Variants in DIAPH2 observed in about 807,000 individuals in gnomAD.
The protein encoded by DIAPH2 is diaphanous related formin 2.
Under a neutral mutation model 92.7 loss-of-function variants are expected in DIAPH2, and 35 were observed. The observed-to-expected ratio is 0.38, with a 90% CI of 0.29 to 0.50. DIAPH2 has a LOEUF of 0.50. Among genes scored for constraint, DIAPH2 ranks in the 20% least tolerant of loss-of-function variants. The pLI, the probability that DIAPH2 is intolerant of heterozygous loss-of-function variation, is 0.94. For missense variants in DIAPH2, 701 were observed against 819.5 expected (o/e 0.86, Z 1.77); for synonymous variants, 301 against 280.4 (o/e 1.07, Z -0.73).
Position 97,122,817 on chromosome X carries a change from CTGTGGAGCTATT to C in DIAPH2, c.2589+7858_2589+7869del, listed in dbSNP as rs753992252. Among the ~76,000 whole-genome samples, 7 of 111,216 alleles carry C rather than the reference CTGTGGAGCTATT, an allele frequency of 6.3e-5. No individual in the cohort carries two copies. In the East Asian group the frequency reaches 2.0e-3, roughly 31 times the overall value. On this transcript the variant is annotated intron_variant, in intron 21 of 26. Transcript: ENST00000324765. ...TTGGGGGTCCTTTAAACTTTCCTTT[CTGTGGAGCTATT>C]TGTGGGAAAGAGTTTTCATTTGGTG...
chrX:96,903,014 T>C (rs1449318249), intron 5 of DIAPH2, among the ~76,000 whole-genome samples: 1 of 111,145 alleles, frequency 9.0e-6, no homozygotes, highest in Non-Finnish European at 1.9e-5. Context: ...CACTCTGTAA[T>C]AAGTCTTTAA....
intron 4 of DIAPH2, among the ~76,000 whole-genome samples, chrX:96,777,129 A>G (rs1308415510): frequency 8.9e-6 from 1 of 111,888 alleles, no homozygotes; most frequent in Non-Finnish European, 1.9e-5. Flanking sequence ...ATTTAATTAT[A>G]GTCTGGTTAC....
chrX:96,685,457 G>T lies in DIAPH2; in HGVS notation c.132+267G>T, dbSNP rs73632871. On this transcript the variant is annotated intron_variant, in intron 1 of 26. Coordinates refer to ENST00000324765, the MANE Select transcript of DIAPH2 (RefSeq NM_006729.5). ...AAGGAGAAAGGCCCAGCCCCAACTT[G>T]GGGACACCCCGAGTACTGGGTAGGG... Among the ~76,000 whole-genome samples the T allele has an allele frequency of 4.5e-3, 513 of 112,995 alleles. 6 individuals are homozygous for T. Among genetic ancestry groups the T allele is most frequent in the African/African-American group, 0.016 (491 of 31,188 alleles).
intron 26 of DIAPH2, among the ~76,000 whole-genome samples, chrX:97,507,762 A>G (rs1265999236): frequency 1.8e-5 from 2 of 111,788 alleles, no homozygotes; most frequent in Non-Finnish European, 3.8e-5. Context: ...GACTAAAACT[A>G]TGGCAGCTTT....
intron 17 of DIAPH2, among the ~76,000 whole-genome samples, chrX:97,058,197 A>G (rs1292852378): frequency 2.7e-5 from 3 of 111,494 alleles, no homozygotes; most frequent in Non-Finnish European, 5.6e-5. Context: ...TTTGTTCTGA[A>G]ATCATTTTGT....
chrX:96,898,748 A>G (rs1235207218), intron 5 of DIAPH2, among the ~76,000 whole-genome samples: 1 of 104,857 alleles, frequency 9.5e-6, no homozygotes, highest in African/African-American at 3.4e-5. Flanking sequence ...CCATTTGTCA[A>G]TTTTGTCTTT....
At chrX:97,417,416 G>A (rs887331055) in intron 25 of DIAPH2, among the ~76,000 whole-genome samples, 1 of 109,089 alleles carries the variant, frequency 9.2e-6, no homozygotes, top group African/African-American at 3.4e-5. Context: ...ACACACACAC[G>A]AGATTTATTG....
At chrX:97,254,684 CTTTATTTTATTTTATTTATTTTAT>C (rs1291550359) in intron 23 of DIAPH2, among the ~76,000 whole-genome samples, 6 of 108,752 alleles carry the variant, frequency 5.5e-5, no homozygotes, top group Admixed American at 2.0e-4. Context: ...CTATTACTAA[CTTTATTTTATTTTATTTATTTTAT>C]TTTATTTTAT....
chrX:96,824,715 T>G (rs1254233443), intron 4 of DIAPH2, among the ~76,000 whole-genome samples: 1 of 111,370 alleles, frequency 9.0e-6, no homozygotes, highest in Non-Finnish European at 1.9e-5. Flanking sequence ...ATCAGGTCTA[T>G]GAACCATATG....
At chrX:97,342,708 A>T (rs2147682377) in intron 23 of DIAPH2, among the ~76,000 whole-genome samples, 1 of 112,195 alleles carries the variant, frequency 8.9e-6, no homozygotes, top group East Asian at 2.8e-4. Context: ...GGTAGGCAAT[A>T]AACAGATTGA....
chrX:96,694,621 A>G (rs1030517651), intron 1 of DIAPH2, among the ~76,000 whole-genome samples: 2 of 111,965 alleles, frequency 1.8e-5, no homozygotes, highest in Non-Finnish European at 3.8e-5. Context: ...GATTACAGGC[A>G]TGAGCTACCG....
At chrX:97,367,654 C>A (rs139671625) in intron 24 of DIAPH2, among the ~76,000 whole-genome samples, 1 of 109,646 alleles carries the variant, frequency 9.1e-6, no homozygotes, top group African/African-American at 3.3e-5. Context: ...CCTATAGAGC[C>A]AGAATAGCCT....
In DIAPH2 at chrX:97,151,153, G is replaced by A. The variant is rs759311215; in HGVS notation, c.2719+9359G>A. Among the ~76,000 whole-genome samples the A allele has an allele frequency of 2.7e-5, 3 of 111,540 alleles. No individual in the cohort carries two copies. The East Asian group carries it at 8.5e-4, about 31-fold the overall frequency. The stretch of plus-strand genomic sequence containing the variant: ...TGGAATATGTAGGGGCTTCTGGGGT[G>A]TTGGTCATGTTCTGTTTCTTAATCT... On this transcript the variant is annotated intron_variant, in intron 22 of 26. Transcript: ENST00000324765.
chrX:97,304,064 A>G (rs2068727527), intron 23 of DIAPH2, among the ~76,000 whole-genome samples: 1 of 112,168 alleles, frequency 8.9e-6, no homozygotes, highest in South Asian at 3.7e-4. Context: ...TTTTAAATGC[A>G]TTGGCTATAA....
At chrX:97,284,800 A>G (rs1490439777) in intron 23 of DIAPH2, among the ~76,000 whole-genome samples, 1 of 110,826 alleles carries the variant, frequency 9.0e-6, no homozygotes, top group Non-Finnish European at 1.9e-5. Context: ...GCCATATCTT[A>G]CTTGTGTATC....
intron 22 of DIAPH2, among the ~76,000 whole-genome samples, chrX:97,172,468 A>G (rs1048122709): frequency 5.4e-5 from 6 of 111,813 alleles, no homozygotes; most frequent in African/African-American, 1.9e-4. Flanking sequence ...AAGGCCAGAT[A>G]ACTTGGATAT....
chrX:96,873,158 T>C (rs1207508165), intron 4 of DIAPH2, among the ~76,000 whole-genome samples: 1 of 111,840 alleles, frequency 8.9e-6, no homozygotes, highest in African/African-American at 3.3e-5. Flanking sequence ...GTAGTTTTGA[T>C]TTGCTTTTCT....
At chrX:96,722,515 T>A (rs1328193951) in intron 1 of DIAPH2, among the ~76,000 whole-genome samples, 1 of 111,287 alleles carries the variant, frequency 9.0e-6, no homozygotes, top group Non-Finnish European at 1.9e-5. Flanking sequence ...CAGGCTCTAA[T>A]GGCTAAAAAT....
At chrX:97,476,984 TACACAC>T (rs1190615516) in intron 26 of DIAPH2, among the ~76,000 whole-genome samples, 615 of 57,033 alleles carry the variant, frequency 0.011, 8 homozygotes, top group Middle Eastern at 0.022. Context: ...TATATATATA[TACACAC>T]ACACACACAC....
Sources: allele counts gnomAD v4.1 joint callset (sites outside exome capture counted in the v4.1 genomes callset), GRCh38; gene constraint gnomAD v4.1.1; transcripts MANE v1.5; gene names NCBI Gene and HGNC (gene_info 2026-07-23, HGNC 2026-07-21).